Variants in KSR2 observed in about 807,000 individuals in gnomAD.
The protein encoded by KSR2 is kinase suppressor of ras 2.
In KSR2, 25 loss-of-function variants were observed where a neutral mutation model predicts 107.8. The observed-to-expected ratio is 0.23, with a 90% CI of 0.17 to 0.32. The LOEUF is 0.32. Ranked by LOEUF, KSR2 falls within the 10% of genes least tolerant of loss-of-function variation. The pLI is 1.00. For synonymous variants in KSR2, 480 were observed against 507.0 expected (o/e 0.95, Z 0.71); for missense variants, 887 against 1,268.9 (o/e 0.70, Z 4.57).
chr12:117,875,885 T>G (rs1201660083), intron 1 of KSR2, among the ~76,000 whole-genome samples: 7 of 152,122 alleles, frequency 4.6e-5, no homozygotes, highest in Non-Finnish European at 1.0e-4. Context: ...ACACCCATCA[T>G]GTCAGCTCAA....
chr12:117,633,046 G>C (rs1882883957), intron 5 of KSR2, among the ~76,000 whole-genome samples: 1 of 152,074 alleles, frequency 6.6e-6, no homozygotes, highest in African/African-American at 2.4e-5. Context: ...ATTCCAAGGG[G>C]GAATAAAGTC....
At chr12:117,864,299 G>A (rs368184790) in intron 1 of KSR2, among the ~76,000 whole-genome samples, 1 of 152,302 alleles carries the variant, frequency 6.6e-6, no homozygotes, top group East Asian at 1.9e-4. Flanking sequence ...TTTTCTTCCT[G>A]TCTGAGAAGA....
intron 12 of KSR2, among the ~76,000 whole-genome samples, chr12:117,529,677 A>G (rs75409919): frequency 0.011 from 1,714 of 152,208 alleles, 35 homozygotes; most frequent in African/African-American, 0.039. Flanking sequence ...TAAGAAAATT[A>G]TTCTACATCA....
In KSR2 at chr12:117,952,845, C is replaced by T. The variant is rs368341427; in HGVS notation, c.180+15231G>A. Among the ~76,000 whole-genome samples, 20 of 151,670 alleles carry T rather than the reference C, an allele frequency of 1.3e-4. No homozygotes were observed. The East Asian group carries it at 1.4e-3, about 10-fold the overall frequency. ...ACTAAAAATACAAAAATTAGCTGGG[C>T]GTGGTGGCGCACACCTGTGATTCCA... On this transcript the variant is annotated intron_variant, in intron 1 of 19. Transcript: ENST00000339824.
At chr12:117,691,303 G>A (rs1885802365) in intron 4 of KSR2, among the ~76,000 whole-genome samples, 1 of 152,116 alleles carries the variant, frequency 6.6e-6, no homozygotes, top group Non-Finnish European at 1.5e-5. Context: ...TAGGTCCTTG[G>A]GAAATGACAC....
intron 5 of KSR2, among the ~76,000 whole-genome samples, chr12:117,629,025 T>A (rs1882676360): frequency 6.6e-6 from 1 of 152,222 alleles, no homozygotes; most frequent in South Asian, 2.1e-4. Flanking sequence ...TGGGAGAGAA[T>A]CACCTTGTCT....
At chr12:117,575,970 C>T (rs990674402) in intron 7 of KSR2, among the ~76,000 whole-genome samples, 1 of 152,174 alleles carries the variant, frequency 6.6e-6, no homozygotes, top group African/African-American at 2.4e-5. Context: ...GGAGCTGGGA[C>T]CCAAACTCAG....
At position 117,761,145 on chromosome 12, in the gene KSR2, C is replaced by G. The variant is rs1329544671; in HGVS notation, c.852G>C (p.Lys284Asn). The G allele has an allele frequency of 6.2e-7, 1 of 1,610,224 alleles. No individual in the cohort carries two copies. Among genetic ancestry groups the G allele is most frequent in the East Asian group, 2.2e-5 (1 of 44,696 alleles). The change falls in exon 4 of 20, where the codon AAG becomes AAC. Residue 284 changes from lysine (K) to asparagine (N), a missense_variant. This residue lies in a region of KSR2 where 399 missense variants were observed against 479.5 expected (regional missense o/e 0.83). Transcript: ENST00000339824. Reference protein sequence around the residue: ...PGTPPMRKKNKLKPPGTPPPS... With the variant: ...PGTPPMRKKNNLKPPGTPPPS... ...GCGGTGGGGTCCCCGGGGGCTTCAG[C>G]TTGTTCTTCTTCCTCATGGGCGGCG...
intron 1 of KSR2, among the ~76,000 whole-genome samples, chr12:117,876,252 A>T (rs1292595704): frequency 6.6e-6 from 1 of 152,236 alleles, no homozygotes; most frequent in Non-Finnish European, 1.5e-5. Context: ...ATTTGACTGG[A>T]GAACGTCTCA....
rs147591144 is a variant in KSR2, at chr12:117,687,435, G to C, written c.987-19777C>G. On this transcript the variant is annotated intron_variant, in intron 4 of 19. Coordinates refer to ENST00000339824, the MANE Select transcript of KSR2 (RefSeq NM_173598.6). ...GTTTCTTCAAAGCCAGGCTTTTGATGTGCTTTCAACTTTTGCATCCAGCAT... is the reference window on the plus strand; with the variant it reads ...GTTTCTTCAAAGCCAGGCTTTTGATCTGCTTTCAACTTTTGCATCCAGCAT... Among the ~76,000 whole-genome samples, 136 of 152,240 alleles carry C rather than the reference G, an allele frequency of 8.9e-4. 1 individual carries two copies. Among genetic ancestry groups the C allele is most frequent in the African/African-American group, 3.2e-3 (131 of 41,546 alleles).
intron 5 of KSR2, among the ~76,000 whole-genome samples, chr12:117,585,925 A>C (rs979100688): frequency 3.9e-5 from 6 of 152,216 alleles, no homozygotes; most frequent in Non-Finnish European, 8.8e-5. Context: ...AAAGAGAAAG[A>C]GGTGGAAGGA....
intron 4 of KSR2, among the ~76,000 whole-genome samples, chr12:117,721,857 A>T (rs536036745): frequency 1.4e-4 from 21 of 152,166 alleles, no homozygotes; most frequent in Admixed American, 1.4e-3. Context: ...AAAGACTAAC[A>T]TCGGTAGCCG....
intron 5 of KSR2, among the ~76,000 whole-genome samples, chr12:117,588,358 G>A (rs1379615452): frequency 2.0e-5 from 3 of 152,124 alleles, no homozygotes; most frequent in South Asian, 4.1e-4. Context: ...GGTAGCCATG[G>A]GAAGAAGGCA....
At chr12:117,908,414 C>T (rs1894917730) in intron 1 of KSR2, among the ~76,000 whole-genome samples, 1 of 152,148 alleles carries the variant, frequency 6.6e-6, no homozygotes, top group Non-Finnish European at 1.5e-5. Context: ...TAAGGAACCT[C>T]ATCAAAATAA....
intron 5 of KSR2, among the ~76,000 whole-genome samples, chr12:117,592,607 A>G (rs945524473): frequency 5.9e-5 from 9 of 152,286 alleles, no homozygotes; most frequent in Admixed American, 5.9e-4. Context: ...AGATGGCCTC[A>G]ATTAAGTTTC....
intron 5 of KSR2, among the ~76,000 whole-genome samples, chr12:117,592,806 T>C (rs1010034919): frequency 6.6e-6 from 1 of 151,870 alleles, no homozygotes; most frequent in Non-Finnish European, 1.5e-5. Flanking sequence ...ATGGTAACAC[T>C]AGGTCGGGTA....
chr12:117,758,511 T>C (rs1888876879), intron 4 of KSR2, among the ~76,000 whole-genome samples: 1 of 152,096 alleles, frequency 6.6e-6, no homozygotes, highest in Non-Finnish European at 1.5e-5. Flanking sequence ...TCCCCCAAGG[T>C]GGGCCAGGGA....
intron 3 of KSR2, among the ~76,000 whole-genome samples, chr12:117,799,996 A>C (rs1162931480): frequency 6.6e-6 from 1 of 152,230 alleles, no homozygotes; most frequent in African/African-American, 2.4e-5. Context: ...ATGACAGTAG[A>C]GGTGATAATT....
chr12:117,715,702 C>T (rs1025883647), intron 4 of KSR2, among the ~76,000 whole-genome samples: 3 of 152,186 alleles, frequency 2.0e-5, no homozygotes, highest in Non-Finnish European at 2.9e-5. Context: ...TACTGTCATA[C>T]GAAAATAGCC....
Sources: gnomAD v4.1 joint callset for allele counts (sites outside exome capture counted in the v4.1 genomes callset) on GRCh38, gnomAD v4.1.1 for gene constraint, gnomAD v4.1.1 regional missense constraint, MANE v1.5 for transcripts, NCBI Gene and HGNC (gene_info 2026-07-23, HGNC 2026-07-21) for gene names.